Variants in TYW1B observed in about 807,000 individuals in gnomAD.
TYW1B encodes tRNA-yW synthesizing protein 1 homolog B.
A neutral mutation model predicts 86.9 loss-of-function variants in TYW1B; 73 were observed. That is an observed-to-expected ratio of 0.84 (90% CI 0.70 to 1.02). The LOEUF is 1.02. Ranked by LOEUF, TYW1B falls within the 50% of genes least tolerant of loss-of-function variation. The pLI, the probability that TYW1B is intolerant of heterozygous loss-of-function variation, is 0.00. For synonymous variants in TYW1B, 248 were observed against 292.8 expected (o/e 0.85, Z 1.56); for missense variants, 637 against 827.4 (o/e 0.77, Z 2.82).
intron 6 of TYW1B, among the ~76,000 whole-genome samples, chr7:72,800,117 A>G (rs149328839): frequency 0.013 from 1,924 of 152,094 alleles, 18 homozygotes; most frequent in Non-Finnish European, 0.019. Flanking sequence ...TATCTATATA[A>G]TTTTTTCAAC....
At chr7:72,815,582 A>T (rs1241354896) in intron 2 of TYW1B, 101 bp from the exon 3 acceptor site, 3 of 1,109,138 alleles carry the variant, frequency 2.7e-6, no homozygotes, top group Non-Finnish European at 3.9e-6. Context: ...CTCATGAAAA[A>T]TGTTTTCAGT....
rs183391363 is a variant in TYW1B at position 72,721,252 on chromosome 7, G to T, written c.1193-7454C>A. On this transcript the variant is annotated intron_variant, in intron 9 of 13. Transcript: ENST00000620995. ...AACAGCATGATTTATAATCCTTTGG[G>T]TATACACCCAGTAATGGGATGGCTG... Among the ~76,000 whole-genome samples the T allele has an allele frequency of 6.7e-3, 1,025 of 152,236 alleles. 13 individuals are homozygous for T. The highest frequency in any genetic ancestry group is 0.021 in the African/African-American group (884 of 41,548).
At chr7:72,650,157 A>C (rs1275138606) in intron 11 of TYW1B, among the ~76,000 whole-genome samples, 2 of 148,754 alleles carry the variant, frequency 1.3e-5, no homozygotes, top group African/African-American at 2.5e-5. Context: ...CTCGTGATCC[A>C]CCCACCTTGG....
At chr7:72,739,172 A>AAT (rs1161322481) in intron 8 of TYW1B, among the ~76,000 whole-genome samples, 16 of 152,218 alleles carry the variant, frequency 1.1e-4, no homozygotes, top group Non-Finnish European at 1.9e-4. Context: ...CAGATAAAAC[A>AAT]ATATGATGGC....
intron 6 of TYW1B, among the ~76,000 whole-genome samples, chr7:72,786,470 T>C (rs1554472462): frequency 6.6e-6 from 1 of 152,040 alleles, no homozygotes; most frequent in African/African-American, 2.4e-5. Context: ...TTTTCTCCAG[T>C]GCCCTCTAAT....
chr7:72,677,635 T>C (rs1554447700), intron 11 of TYW1B, among the ~76,000 whole-genome samples: 1 of 152,152 alleles, frequency 6.6e-6, no homozygotes, highest in Non-Finnish European at 1.5e-5. Context: ...CTTTTTCTGC[T>C]TTTCCCTGGG....
At chr7:72,578,024 C>T (rs371098722) in intron 13 of TYW1B, among the ~76,000 whole-genome samples, 3 of 152,172 alleles carry the variant, frequency 2.0e-5, no homozygotes, top group African/African-American at 7.2e-5. Flanking sequence ...GCATTCCACC[C>T]CACCAAGCCT....
At chr7:72,803,768 C>G (rs781826715) in intron 5 of TYW1B, among the ~76,000 whole-genome samples, 7 of 151,884 alleles carry the variant, frequency 4.6e-5, no homozygotes, top group African/African-American at 9.7e-5. Context: ...CATGCACCAT[C>G]ACACCCGGCT....
chr7:72,694,857 A>C lies in TYW1B; in HGVS notation c.1371-35T>G, dbSNP rs781958621. ...TTTTTTTTTTAAAGGAAGAAAGAAA[A>C]ATTATTCCTCTATCAGGCTTTCCAT... On this transcript the variant is annotated intron_variant, in intron 10 of 13. Coordinates refer to ENST00000620995, the MANE Select transcript of TYW1B (RefSeq NM_001145440.3). 2.7e-5 allele frequency: 43 copies of C among 1,579,814 alleles called. No homozygotes were observed. The East Asian group carries it at 8.7e-4, about 32-fold the overall frequency.
At chr7:72,703,041 T>TTGAGA (rs1814525767) in intron 10 of TYW1B, among the ~76,000 whole-genome samples, 3 of 141,664 alleles carry the variant, frequency 2.1e-5, no homozygotes, top group African/African-American at 2.6e-5. Flanking sequence ...TTTTTTTTTT[T>TTGAGA]TGAGATGGAG....
At chr7:72,808,323 G>A (rs552329493) in intron 4 of TYW1B, among the ~76,000 whole-genome samples, 227 of 151,858 alleles carry the variant, frequency 1.5e-3, no homozygotes, top group South Asian at 2.7e-3. Flanking sequence ...TGTGGTGGGC[G>A]CCTGTGGTCC....
chr7:72,790,468 C>T (rs1203816403), intron 6 of TYW1B, among the ~76,000 whole-genome samples: 6 of 152,154 alleles, frequency 3.9e-5, no homozygotes, highest in Non-Finnish European at 7.3e-5. Context: ...CAGTGGCTGA[C>T]GTCTGTCACC....
At chr7:72,788,354 G>A (rs1788164004) in intron 6 of TYW1B, among the ~76,000 whole-genome samples, 1 of 152,242 alleles carries the variant, frequency 6.6e-6, no homozygotes, top group East Asian at 1.9e-4. Flanking sequence ...AGACCACATG[G>A]CCACATGGAA....
chr7:72,654,963 C>T (rs1368951711), intron 11 of TYW1B, among the ~76,000 whole-genome samples: 4 of 152,056 alleles, frequency 2.6e-5, no homozygotes, highest in East Asian at 1.9e-4. Flanking sequence ...ATAACAGAAA[C>T]GGTGTGTGCT....
chr7:72,721,459 T>A (rs1486345596), intron 9 of TYW1B, among the ~76,000 whole-genome samples: 1 of 152,308 alleles, frequency 6.6e-6, no homozygotes, highest in South Asian at 2.1e-4. Flanking sequence ...TGAGATGGTA[T>A]CTTATTGTGG....
At chr7:72,788,809 A>T (rs529912372) in intron 6 of TYW1B, among the ~76,000 whole-genome samples, 1 of 151,814 alleles carries the variant, frequency 6.6e-6, no homozygotes, top group East Asian at 1.9e-4. Flanking sequence ...CTGGGATTAC[A>T]GGTGTGAGCC....
intron 13 of TYW1B, among the ~76,000 whole-genome samples, chr7:72,611,248 CA>C (rs1233864562): frequency 6.6e-6 from 1 of 152,180 alleles, no homozygotes; most frequent in Non-Finnish European, 1.5e-5. Flanking sequence ...GCTCTGATTA[CA>C]CTTCTCAGCA....
chr7:72,788,096 G>C (rs1788159481), intron 6 of TYW1B, among the ~76,000 whole-genome samples: 1 of 151,788 alleles, frequency 6.6e-6, no homozygotes, highest in African/African-American at 2.4e-5. Flanking sequence ...TTCTGCCTCA[G>C]GCTCCCGAGT....
At chr7:72,697,270 A>G (rs1418307456) in intron 10 of TYW1B, among the ~76,000 whole-genome samples, 10 of 152,056 alleles carry the variant, frequency 6.6e-5, no homozygotes, top group African/African-American at 2.4e-4. Flanking sequence ...CACTGATACT[A>G]CTACTAAGGA....
Sources: gnomAD v4.1 joint callset for allele counts (sites outside exome capture counted in the v4.1 genomes callset) on GRCh38, gnomAD v4.1.1 for gene constraint, MANE v1.5 for transcripts, NCBI Gene and HGNC (gene_info 2026-07-23, HGNC 2026-07-21) for gene names.